Variants in NCALD observed in about 807,000 individuals in gnomAD.
The protein encoded by NCALD is neurocalcin delta.
NCALD carries 10 observed loss-of-function variants against 18.6 expected under a neutral mutation model. The observed-to-expected ratio is 0.54, with a 90% CI of 0.33 to 0.91. NCALD has a LOEUF of 0.91. Among genes scored for constraint, NCALD ranks in the 40% least tolerant of loss-of-function variants. The probability of loss-of-function intolerance (pLI) is 0.03; values close to 1 mark genes in which losing one functional copy is unlikely to be tolerated. For missense variants in NCALD, 184 were observed against 247.6 expected, an observed-to-expected ratio of 0.74 and a Z score of 1.72; for synonymous variants, 88 against 87.4, an observed-to-expected ratio of 1.01 and a Z score of -0.04.
intron 1 of NCALD, among the ~76,000 whole-genome samples, chr8:102,104,972 G>C (rs184599331): frequency 2.6e-5 from 4 of 152,188 alleles, no homozygotes; most frequent in African/African-American, 9.7e-5. Context: ...ATTGTTCAGC[G>C]AACAGATAAG....
At chr8:101,795,465 A>C (rs1812604283), upstream of NCALD, among the ~76,000 whole-genome samples, 1 of 152,138 alleles carries the variant, frequency 6.6e-6, no homozygotes, top group Non-Finnish European at 1.5e-5. Flanking sequence ...CCTGCTTCCT[A>C]GATGGCGCCT....
intron 1 of NCALD, among the ~76,000 whole-genome samples, chr8:101,779,355 T>C (rs1488269544): frequency 6.6e-6 from 1 of 152,156 alleles, no homozygotes. Flanking sequence ...TTACCATGAC[T>C]AATAATTAAG....
chr8:101,897,463 A>T (rs952634357), intron 3 of NCALD, among the ~76,000 whole-genome samples: 9 of 150,956 alleles, frequency 6.0e-5, no homozygotes, highest in African/African-American at 2.2e-4. Context: ...ACATGTATAC[A>T]TATGTAACTA....
At chr8:101,895,194 C>A (rs1474701516) in intron 3 of NCALD, among the ~76,000 whole-genome samples, 1 of 150,382 alleles carries the variant, frequency 6.6e-6, no homozygotes, top group African/African-American at 2.5e-5. Context: ...CCCTGGGATG[C>A]AAGGCTGGTT....
intron 1 of NCALD, among the ~76,000 whole-genome samples, chr8:102,117,000 G>A (rs1375470995): frequency 2.0e-5 from 3 of 152,210 alleles, no homozygotes; most frequent in Non-Finnish European, 1.5e-5. Context: ...GCAATGTGAC[G>A]TGCAGCGCAG....
At chr8:101,884,679 A>G (rs1816610537) in intron 4 of NCALD, among the ~76,000 whole-genome samples, 2 of 150,122 alleles carry the variant, frequency 1.3e-5, no homozygotes, top group African/African-American at 2.5e-5. Flanking sequence ...ATTTTTTTCT[A>G]CATACTAATA....
At chr8:101,932,231 T>A (rs1818603875) in intron 2 of NCALD, among the ~76,000 whole-genome samples, 1 of 152,184 alleles carries the variant, frequency 6.6e-6, no homozygotes, top group Admixed American at 6.5e-5. Flanking sequence ...AGTCCACAGA[T>A]GCAGCCAGGC....
chr8:102,047,093 A>G (rs944334904), intron 1 of NCALD, among the ~76,000 whole-genome samples: 3 of 152,212 alleles, frequency 2.0e-5, no homozygotes, highest in Admixed American at 1.3e-4. Flanking sequence ...CTGTTCCTGC[A>G]TTAGTTTGCT....
chr8:101,829,912 C>CT (rs1563807659), intron 4 of NCALD, among the ~76,000 whole-genome samples: 1 of 146,218 alleles, frequency 6.8e-6, no homozygotes, highest in Admixed American at 6.8e-5. Flanking sequence ...TTATATCTAT[C>CT]TTTAAGTGTT....
At chr8:102,003,863 T>C (rs1408613799) in intron 2 of NCALD, among the ~76,000 whole-genome samples, 1 of 152,146 alleles carries the variant, frequency 6.6e-6, no homozygotes, top group Non-Finnish European at 1.5e-5. Flanking sequence ...AAATTCGGTA[T>C]TGATGGGACG....
chr8:101,880,140 C>G (rs949079574), intron 4 of NCALD, among the ~76,000 whole-genome samples: 1 of 152,178 alleles, frequency 6.6e-6, no homozygotes, highest in African/African-American at 2.4e-5. Context: ...CGAGCCCTGC[C>G]CTGCTGGGAG....
chr8:101,913,935 G>A (rs1362228589), intron 3 of NCALD, among the ~76,000 whole-genome samples: 5 of 152,046 alleles, frequency 3.3e-5, no homozygotes, highest in Admixed American at 6.6e-5. Context: ...AGATTTACAG[G>A]ATTATAAAGA....
chr8:102,074,056 C>T (rs28612240), intron 1 of NCALD, among the ~76,000 whole-genome samples: 2,631 of 152,230 alleles, frequency 0.017, 89 homozygotes, highest in African/African-American at 0.06. Flanking sequence ...CTTTCAGGAA[C>T]GTTCCTACCA....
At chr8:102,005,141 G>T (rs538195254) in intron 2 of NCALD, among the ~76,000 whole-genome samples, 112 of 152,034 alleles carry the variant, frequency 7.4e-4, no homozygotes, top group Admixed American at 2.0e-3. Context: ...TCTGACAAAG[G>T]GCTAATATCC....
chr8:101,731,584 G>C (rs2226401), intron 1 of NCALD, among the ~76,000 whole-genome samples: 36,997 of 151,996 alleles, frequency 0.24, 4,896 homozygotes, highest in East Asian at 0.37. Flanking sequence ...TTTGCTATTC[G>C]AGAGCTTAGG....
intron 1 of NCALD, among the ~76,000 whole-genome samples, chr8:102,057,942 C>T (rs1007473665): frequency 3.9e-5 from 6 of 152,166 alleles, no homozygotes; most frequent in African/African-American, 1.4e-4. Context: ...GTGTAGGTTA[C>T]AGTCAATTTA....
intron 3 of NCALD, 82 bp downstream of exon 3, chr8:101,692,709 C>T (rs779660829): frequency 1.5e-5 from 22 of 1,461,842 alleles, no homozygotes; most frequent in Admixed American, 1.1e-4. Context: ...TGAAGGGCCT[C>T]GAGTGGCACT....
At chr8:102,003,773 A>G (rs1339901728) in intron 2 of NCALD, among the ~76,000 whole-genome samples, 2 of 152,358 alleles carry the variant, frequency 1.3e-5, no homozygotes, top group Admixed American at 1.3e-4. Flanking sequence ...ACCAATGACA[A>G]AAACCACATG....
chr8:101,737,337 A>G (rs900374309), intron 1 of NCALD, among the ~76,000 whole-genome samples: 3 of 152,166 alleles, frequency 2.0e-5, no homozygotes, highest in Non-Finnish European at 2.9e-5. Context: ...CCATTTCTTA[A>G]TCCAAGCCTT....
Sources: gnomAD v4.1 joint callset for allele counts (sites outside exome capture counted in the v4.1 genomes callset) on GRCh38, gnomAD v4.1.1 for gene constraint, MANE v1.5 for transcripts, NCBI Gene and HGNC (gene_info 2026-07-23, HGNC 2026-07-21) for gene names.